Variants in SV2B observed in about 807,000 individuals in gnomAD.
SV2B encodes synaptic vesicle glycoprotein 2B, also known as solute carrier family 22 member B2.
Under a neutral mutation model 73.9 loss-of-function variants are expected in SV2B, and 41 were observed. The observed-to-expected ratio is 0.56, with a 90% CI of 0.43 to 0.72. SV2B has a LOEUF of 0.72. SV2B is among the 30% of genes least tolerant of loss of function. The probability of loss-of-function intolerance (pLI) is 0.00; values close to 1 mark genes in which losing one functional copy is unlikely to be tolerated. For synonymous variants in SV2B, 314 were observed against 314.2 expected (o/e 1.00, Z 0.01); for missense variants, 764 against 857.8 (o/e 0.89, Z 1.37).
At chr15:91,282,193 A>T (rs1356795446) in intron 10 of SV2B, among the ~76,000 whole-genome samples, 1 of 152,254 alleles carries the variant, frequency 6.6e-6, no homozygotes, top group Non-Finnish European at 1.5e-5. Flanking sequence ...AACAACTGGC[A>T]TTCCAGGAGG....
At position 91,176,918 on chromosome 15, in the gene SV2B, G is replaced by T. The variant is rs1440865037; in HGVS notation, c.-391-48955G>T. Among the ~76,000 whole-genome samples the T allele has an allele frequency of 4.6e-5, 7 of 152,216 alleles. No homozygotes were observed. In the East Asian group the frequency reaches 1.3e-3, roughly 29 times the overall value. Reference sequence around the variant, plus strand: ...TAATTAGATCCCATTTGTCGATTTTGGCTTTTGTTGCCATTGCTTTTGGCA... The same window carrying T: ...TAATTAGATCCCATTTGTCGATTTTTGCTTTTGTTGCCATTGCTTTTGGCA... On this transcript the variant is annotated intron_variant, in intron 1 of 12. Coordinates refer to ENST00000394232, the MANE Select transcript of SV2B (RefSeq NM_001323032.3).
At position 91,297,896 on chromosome 15, in the gene SV2B, G is replaced by A. The variant is rs1383047022; in HGVS notation, c.*5344G>A. On this transcript the variant is annotated 3_prime_UTR_variant, in exon 13 of 13. Transcript: ENST00000394232. The surrounding 1 kb of genome is among the most constrained non-coding windows in gnomAD (Gnocchi z 5.1). ...GAAGTATTTCGGAAGCTCAGCAGAG[G>A]TTGAACCCTTTCCCCTGGGGGTTGG... 1 of 152,288 alleles carries A rather than the reference G, an allele frequency of 6.6e-6. No individual in the cohort carries two copies. The highest frequency in any genetic ancestry group is 2.1e-4 in the South Asian group (1 of 4,832). 9.4% of individuals were successfully genotyped at this position (152,288 alleles called of 1,614,324 possible).
intron 1 of SV2B, among the ~76,000 whole-genome samples, chr15:91,114,097 T>G (rs753393474): frequency 2.2e-5 from 3 of 139,038 alleles, no homozygotes; most frequent in Non-Finnish European, 3.0e-5. Context: ...GGCAGGAGAA[T>G]GGTGCGAACC....
At chr15:91,109,078 ACTT>A (rs1458207858) in intron 1 of SV2B, among the ~76,000 whole-genome samples, 4 of 152,192 alleles carry the variant, frequency 2.6e-5, no homozygotes, top group African/African-American at 9.7e-5. Flanking sequence ...TCAGAACTGA[ACTT>A]CTTCAGGAGG....
At chr15:91,178,026 G>A (rs2044388805) in intron 1 of SV2B, among the ~76,000 whole-genome samples, 1 of 151,114 alleles carries the variant, frequency 6.6e-6, no homozygotes, top group Non-Finnish European at 1.5e-5. Flanking sequence ...ATTGGTTGTG[G>A]GTTTGTCATA....
chr15:91,255,703 T>C (rs1170753603), intron 4 of SV2B, among the ~76,000 whole-genome samples: 1 of 152,248 alleles, frequency 6.6e-6, no homozygotes, highest in Non-Finnish European at 1.5e-5. Context: ...GTGACTTTTA[T>C]ATTCCATTTT....
intron 1 of SV2B, among the ~76,000 whole-genome samples, chr15:91,171,988 T>G (rs2044138137): frequency 6.6e-6 from 1 of 152,264 alleles, no homozygotes; most frequent in South Asian, 2.1e-4. Context: ...GATAAGCAGA[T>G]TTTTGGGGGT....
In SV2B at chr15:91,211,272, A is replaced by C. The variant is rs114292108; in HGVS notation, c.-391-14601A>C. Among the ~76,000 whole-genome samples the C allele has an allele frequency of 5.7e-3, 875 of 152,322 alleles. 10 individuals carry two copies. Among genetic ancestry groups the C allele is most frequent in the African/African-American group, 0.02 (842 of 41,570 alleles). ...AACTTCCTTCCTTGCTAGTCTCAGA[A>C]TTTAAAAGCTAGAAGTGTCAGCAGG... On this transcript the variant is annotated intron_variant, in intron 1 of 12. Transcript: ENST00000394232.
In SV2B at chr15:91,300,417, TA is replaced by T; in HGVS notation, c.*7869del. The T allele has an allele frequency of 6.6e-6, 1 of 152,344 alleles. No homozygotes were observed. Among genetic ancestry groups the T allele is most frequent in the Non-Finnish European group, 1.5e-5 (1 of 68,030 alleles). 9.4% of individuals were successfully genotyped at this position (152,344 alleles called of 1,614,324 possible). On this transcript the variant is annotated 3_prime_UTR_variant, in exon 13 of 13. Transcript: ENST00000394232. ...AGATTAAGGTGCAGGGAAGGGCTCT[TA>T]AAAGTTTAATGTTTCAGCTTTCCAT... is the stretch of plus-strand genomic sequence containing the variant.
At chr15:91,237,882 A>G (rs918302408) in intron 2 of SV2B, among the ~76,000 whole-genome samples, 6 of 152,210 alleles carry the variant, frequency 3.9e-5, no homozygotes, top group African/African-American at 1.4e-4. Flanking sequence ...CAGATTTTCA[A>G]TGGTTTTCCT....
In SV2B at chr15:91,229,069, G is replaced by A. The variant is rs1023921286; in HGVS notation, c.451+2355G>A. Among the ~76,000 whole-genome samples, 1 of 152,226 alleles carries A rather than the reference G, an allele frequency of 6.6e-6. No homozygotes were observed. Among genetic ancestry groups the A allele is most frequent in the African/African-American group, 2.4e-5 (1 of 41,472 alleles). Reference sequence around the variant, plus strand: ...TATGCCCATTCTGCCACACCATACTGCCTTTCTCTCACGCCTCGTTTGTGG... The same window carrying A: ...TATGCCCATTCTGCCACACCATACTACCTTTCTCTCACGCCTCGTTTGTGG... On this transcript the variant is annotated intron_variant, in intron 2 of 12. Coordinates refer to ENST00000394232, the MANE Select transcript of SV2B (RefSeq NM_001323032.3). The surrounding 1 kb of genome is among the most constrained non-coding windows in gnomAD (Gnocchi z 4.3).
chr15:91,211,027 A>G (rs2045837436), intron 1 of SV2B, among the ~76,000 whole-genome samples: 1 of 152,236 alleles, frequency 6.6e-6, no homozygotes. Context: ...AAGTAAGGCC[A>G]CACCCCTAGG....
chr15:91,205,676 A>G (rs186865255), intron 1 of SV2B, among the ~76,000 whole-genome samples: 1 of 152,202 alleles, frequency 6.6e-6, no homozygotes, highest in African/African-American at 2.4e-5. Flanking sequence ...CAGGATAACA[A>G]CATTTTCATA....
rs974388372 is a variant in SV2B at position 91,141,261 on chromosome 15, G to T, written c.-392+40898G>T. 6.6e-6 allele frequency among the ~76,000 whole-genome samples: 1 copy of T among 152,222 alleles called. No individual in the cohort carries two copies. The highest frequency in any genetic ancestry group is 6.5e-5 in the Admixed American group (1 of 15,284). On this transcript the variant is annotated intron_variant, in intron 1 of 12. Transcript: ENST00000394232. The surrounding 1 kb of genome is among the most constrained non-coding windows in gnomAD (Gnocchi z 4.6). ...TGATGTACAGCTTGAGTTGGGAACT[G>T]CCGATGCTGAGTTAGAGCTATTCTA...
At chr15:91,202,741 C>T (rs1440652158) in intron 1 of SV2B, among the ~76,000 whole-genome samples, 1 of 152,122 alleles carries the variant, frequency 6.6e-6, no homozygotes, top group Admixed American at 6.5e-5. Context: ...AGTGGGGCTA[C>T]AGTCTCAACA....
At position 91,239,653 on chromosome 15, in the gene SV2B, TAG is replaced by T. The variant is rs1337438891; in HGVS notation, c.452-12163_452-12162del. Among the ~76,000 whole-genome samples the T allele has an allele frequency of 2.0e-5, 3 of 152,292 alleles. No homozygotes were observed. Among genetic ancestry groups the T allele is most frequent in the Middle Eastern group, 6.8e-3 (2 of 294 alleles). ...GGGATGATTATTTAAACCAATCAGA[TAG>T]AGTCTTTCATTAGTATGGTTTCTTT... On this transcript the variant is annotated intron_variant, in intron 2 of 12. Transcript: ENST00000394232. The surrounding 1 kb of genome is among the most constrained non-coding windows in gnomAD (Gnocchi z 5.1).
chr15:91,190,278 A>C (rs1359011077), intron 1 of SV2B, among the ~76,000 whole-genome samples: 1 of 151,938 alleles, frequency 6.6e-6, no homozygotes, highest in Non-Finnish European at 1.5e-5. Flanking sequence ...GATCTATGTA[A>C]GTGGTCATAT....
intron 1 of SV2B, among the ~76,000 whole-genome samples, chr15:91,152,941 G>A (rs971100591): frequency 6.6e-6 from 1 of 152,172 alleles, no homozygotes; most frequent in African/African-American, 2.4e-5. Context: ...AGTTCTGGAG[G>A]CTGAGGAGTC....
chr15:91,133,656 G>T (rs1694075882), intron 1 of SV2B, among the ~76,000 whole-genome samples: 1 of 152,144 alleles, frequency 6.6e-6, no homozygotes, highest in Admixed American at 6.5e-5. Context: ...CTCGCTGGCT[G>T]CTGTCTGGAG....
Sources: allele counts gnomAD v4.1 joint callset (sites outside exome capture counted in the v4.1 genomes callset), GRCh38; gene constraint gnomAD v4.1.1; non-coding constraint Gnocchi (gnomAD v3.1); transcripts MANE v1.5; gene names NCBI Gene and HGNC (gene_info 2026-07-23, HGNC 2026-07-21).